Variants in CD1B observed in about 807,000 individuals in gnomAD.
CD1B encodes the protein CD1b molecule.
Under a neutral mutation model 39.8 loss-of-function variants are expected in CD1B, and 43 were observed. The observed-to-expected ratio is 1.08, with a 90% CI of 0.85 to 1.39. The LOEUF (loss-of-function observed/expected upper bound fraction) is 1.39, where lower values mean the gene tolerates loss of function less well. Ranked by LOEUF, CD1B falls within the 40% of genes most tolerant of loss-of-function variation. CD1B has a pLI of 0.00. For missense variants in CD1B, 495 were observed against 403.8 expected, an observed-to-expected ratio of 1.23 and a Z score of -1.94; for synonymous variants, 192 against 152.5, an observed-to-expected ratio of 1.26 and a Z score of -1.91.
the CD1B span, among the ~76,000 whole-genome samples, chr1:158,297,144 C>A: frequency 1.3e-5 from 2 of 152,040 alleles, no homozygotes; most frequent in Non-Finnish European, 2.9e-5. Context: ...TCAAGATACA[C>A]AATAATAAGA....
the CD1B span, chr1:158,292,324 T>C: frequency 6.2e-7 from 1 of 1,614,176 alleles, no homozygotes; most frequent in Non-Finnish European, 8.5e-7. Flanking sequence ...CGATTTCTCT[T>C]GGGTCTCCTG....
chr1:158,295,150 C>T, the CD1B span, among the ~76,000 whole-genome samples: 1 of 151,818 alleles, frequency 6.6e-6, no homozygotes. Flanking sequence ...GACAAGATGG[C>T]TGACTAGATG....
chr1:158,292,716 AG>A, the CD1B span: 1 of 1,614,196 alleles, frequency 6.2e-7, no homozygotes. Flanking sequence ...CGGAATGAAC[AG>A]GAGCAACTGG....
the CD1B span, among the ~76,000 whole-genome samples, chr1:158,293,917 T>C: frequency 6.6e-6 from 1 of 152,232 alleles, no homozygotes; most frequent in South Asian, 2.1e-4. Flanking sequence ...TTAACTGTCA[T>C]GTTGACAATT....
At chr1:158,293,670 C>G in the CD1B span, 1 of 1,289,448 alleles carries the variant, frequency 7.8e-7, no homozygotes, top group African/African-American at 1.5e-5. Flanking sequence ...TAGCACTCAA[C>G]CTTCAAAGCC....
the CD1B span, among the ~76,000 whole-genome samples, chr1:158,321,284 T>C: frequency 3.3e-5 from 5 of 152,336 alleles, no homozygotes; most frequent in South Asian, 1.0e-3. Context: ...TTTACAGTTT[T>C]TTTGGCTTAA....
the CD1B span, chr1:158,290,161 A>T: frequency 3.1e-6 from 5 of 1,593,268 alleles, no homozygotes; most frequent in Admixed American, 3.3e-5. Context: ...GGTTACATGT[A>T]TCTGGGTAGA....
the CD1B span, chr1:158,291,451 G>T: frequency 6.3e-7 from 1 of 1,577,360 alleles, no homozygotes; most frequent in African/African-American, 1.4e-5. Context: ...TTCTATTTCA[G>T]GGAAATATTC....
the CD1B span, among the ~76,000 whole-genome samples, chr1:158,305,549 G>T: frequency 6.6e-6 from 1 of 152,202 alleles, no homozygotes; most frequent in African/African-American, 2.4e-5. Context: ...TAGCAAGGCA[G>T]GCCAACATTC....
At chr1:158,289,937 G>T in the CD1B span, 1 of 747,496 alleles carries the variant, frequency 1.3e-6, no homozygotes, top group Non-Finnish European at 2.3e-6. Context: ...CTTCTTAGTT[G>T]CTGTCAGCGG....
the CD1B span, among the ~76,000 whole-genome samples, chr1:158,302,509 G>A: frequency 6.6e-6 from 1 of 151,620 alleles, no homozygotes; most frequent in Admixed American, 6.6e-5. Context: ...GTAATTTGAA[G>A]GAATAAATAA....
chr1:158,319,947 G>C, the CD1B span, among the ~76,000 whole-genome samples: 14 of 152,150 alleles, frequency 9.2e-5, no homozygotes, highest in Non-Finnish European at 1.8e-4. Flanking sequence ...TGCCCCTGCT[G>C]GGGGGTGCCT....
chr1:158,330,091 T>C lies in CD1B; in HGVS notation c.368A>G (p.His123Arg). 3.1e-6 allele frequency: 5 copies of C among 1,613,824 alleles called. No homozygotes were observed. The highest frequency in any genetic ancestry group is 4.2e-6 in the Non-Finnish European group (5 of 1,179,818). ...GAAGCTTACTATGGCACCTCCAGAA[T>C]GTAGCTCACAGCCTGCTATGCCCTG... ...EIQGIAGCEL[H>R]SGGAIVSFLR... The change falls in exon 3 of 6, where the codon CAT (histidine) becomes CGT (arginine). Residue 123 changes from histidine to arginine, a missense_variant. Transcript: ENST00000368168.
chr1:158,311,781 C>A, the CD1B span, among the ~76,000 whole-genome samples: 1 of 151,940 alleles, frequency 6.6e-6, no homozygotes, highest in East Asian at 1.9e-4. Context: ...TGTCTTGGCA[C>A]TTTTGTTAAA....
chr1:158,311,038 T>C, the CD1B span, among the ~76,000 whole-genome samples: 1 of 152,180 alleles, frequency 6.6e-6, no homozygotes, highest in Non-Finnish European at 1.5e-5. Flanking sequence ...CCTTCAAATG[T>C]AGCTGCCGAA....
the CD1B span, among the ~76,000 whole-genome samples, chr1:158,312,167 A>G: frequency 6.6e-6 from 1 of 152,116 alleles, no homozygotes; most frequent in South Asian, 2.1e-4. Context: ...CCCCACCCAA[A>G]TCTCATCTTG....
chr1:158,289,002 CTATCACAATCG>C, the CD1B span, among the ~76,000 whole-genome samples: 18 of 152,300 alleles, frequency 1.2e-4, no homozygotes, highest in African/African-American at 4.1e-4. Context: ...CATGTTCTGA[CTATCACAATCG>C]TATACCATTC....
chr1:158,297,480 C>G, the CD1B span, among the ~76,000 whole-genome samples: 2 of 152,144 alleles, frequency 1.3e-5, no homozygotes, highest in Non-Finnish European at 2.9e-5. Flanking sequence ...TACCAGCCAC[C>G]ACATAAATGC....
Position 158,330,120 on chromosome 1 carries a change from C to A in CD1B, c.339G>T (p.Glu113Asp), listed in dbSNP as rs1345352401. The A allele has an allele frequency of 5.6e-6, 9 of 1,612,430 alleles. No homozygotes were observed. The highest frequency in any genetic ancestry group is 7.6e-6 in the Non-Finnish European group (9 of 1,179,418). Residue 113 changes from glutamate (E) to aspartate (D), a missense_variant, in exon 3 of 6, where the codon GAG becomes GAT. Transcript: ENST00000368168. ...AGDFQMKYPF[E>D]IQGIAGCELH... ...GCTCACAGCCTGCTATGCCCTGGAT[C>A]TCAAAGGGGTCTATGTAGAGGGAAA... is the stretch of plus-strand genomic sequence containing the variant.
Sources: allele counts gnomAD v4.1 joint callset (sites outside exome capture counted in the v4.1 genomes callset), GRCh38; gene constraint gnomAD v4.1.1; transcripts MANE v1.5; gene names NCBI Gene and HGNC (gene_info 2026-07-23, HGNC 2026-07-21).